The following NRXN3 variants were observed in gnomAD, a reference collection of about 807,000 sequenced individuals.
NRXN3 encodes neurexin III.
NRXN3 carries 32 observed loss-of-function variants against 137.6 expected under a neutral mutation model. That is an observed-to-expected ratio of 0.23 (90% CI 0.18 to 0.31). The LOEUF (loss-of-function observed/expected upper bound fraction) is 0.31, where lower values mean the gene tolerates loss of function less well. NRXN3 is among the 10% of genes least tolerant of loss of function. The pLI is 1.00. For synonymous variants in NRXN3, 798 were observed against 784.5 expected, an observed-to-expected ratio of 1.02 and a Z score of -0.29; for missense variants, 1,574 against 2,062.5, an observed-to-expected ratio of 0.76 and a Z score of 4.59.
chr14:78,223,130 CACTA>C (rs2064054913), intron 1 of NRXN3, among the ~76,000 whole-genome samples: 1 of 152,206 alleles, frequency 6.6e-6, no homozygotes, highest in South Asian at 2.1e-4. Context: ...GCTTTGGGAA[CACTA>C]ACTAACAATG....
intron 19 of NRXN3, among the ~76,000 whole-genome samples, chr14:79,744,349 GA>G: frequency 6.6e-6 from 1 of 152,132 alleles, no homozygotes; most frequent in East Asian, 1.9e-4. Flanking sequence ...AAATAAAGCT[GA>G]AAAGCAGTCA....
intron 2 of NRXN3, among the ~76,000 whole-genome samples, chr14:78,262,060 G>C (rs965415872): frequency 3.3e-5 from 5 of 152,196 alleles, no homozygotes; most frequent in African/African-American, 1.2e-4. Context: ...AACCAGGGTA[G>C]TCAGGGAGGT....
intron 4 of NRXN3, among the ~76,000 whole-genome samples, chr14:78,338,968 A>T (rs214004): frequency 0.36 from 55,350 of 152,024 alleles, 10,972 homozygotes; most frequent in Admixed American, 0.5. Flanking sequence ...CTGACTTTGA[A>T]TTATTGGCTT....
At chr14:79,697,106 C>A (rs1183639199) in intron 18 of NRXN3, among the ~76,000 whole-genome samples, 1 of 151,900 alleles carries the variant, frequency 6.6e-6, no homozygotes, top group Non-Finnish European at 1.5e-5. Flanking sequence ...TACAAGTATG[C>A]AATGAATCCA....
chr14:78,560,558 C>T (rs969487038), intron 4 of NRXN3, among the ~76,000 whole-genome samples: 1 of 152,190 alleles, frequency 6.6e-6, no homozygotes, highest in Admixed American at 6.5e-5. Context: ...AAGATGCTGA[C>T]CCCTCGCTAG....
chr14:78,314,895 C>CTT (rs1491051271), intron 4 of NRXN3, among the ~76,000 whole-genome samples: 2 of 65,032 alleles, frequency 3.1e-5, no homozygotes, highest in Non-Finnish European at 6.0e-5. Flanking sequence ...CTTTCTTTCT[C>CTT]TTTCTTTCTT....
At chr14:79,151,446 T>G (rs2059790035) in intron 15 of NRXN3, among the ~76,000 whole-genome samples, 2 of 152,042 alleles carry the variant, frequency 1.3e-5, no homozygotes, top group Admixed American at 1.3e-4. Flanking sequence ...AGAACGCCAC[T>G]CATCGTTCCA....
chr14:79,308,118 C>T (rs1304810339), intron 15 of NRXN3, among the ~76,000 whole-genome samples: 1 of 152,114 alleles, frequency 6.6e-6, no homozygotes, highest in African/African-American at 2.4e-5. Flanking sequence ...TTCACTTACT[C>T]ACCTCTTTAA....
At chr14:79,728,080 C>T (rs1321445970) in intron 19 of NRXN3, among the ~76,000 whole-genome samples, 7 of 152,196 alleles carry the variant, frequency 4.6e-5, no homozygotes, top group Non-Finnish European at 1.5e-5. Context: ...TGAAGCCTTA[C>T]ACAACCCGAC....
chr14:79,855,010 C>T (rs893360069), intron 20 of NRXN3, among the ~76,000 whole-genome samples: 3 of 152,180 alleles, frequency 2.0e-5, no homozygotes, highest in African/African-American at 7.2e-5. Flanking sequence ...GGCACACACA[C>T]ATTCTCTCTC....
In NRXN3 at chr14:79,487,941, A is replaced by G. The variant is rs115466968; in HGVS notation, c.3444+20539A>G. ...AGAGCTCATCATGCAACAGGACTGC[A>G]TCTGGGATACTGCCTCCCTTCCCCA... On this transcript the variant is annotated intron_variant, in intron 16 of 20. Coordinates refer to ENST00000335750, the MANE Select transcript of NRXN3 (RefSeq NM_001330195.2). 7.4e-3 allele frequency among the ~76,000 whole-genome samples: 1,134 copies of G among 152,290 alleles called. 17 individuals carry two copies. Among genetic ancestry groups the G allele is most frequent in the African/African-American group, 0.025 (1,041 of 41,558 alleles).
intron 19 of NRXN3, among the ~76,000 whole-genome samples, chr14:79,713,380 AACAC>A (rs1192176926): frequency 1.3e-5 from 2 of 148,434 alleles, no homozygotes; most frequent in Admixed American, 1.3e-4. Flanking sequence ...ACTAAACTAT[AACAC>A]ACACACATAC....
intron 19 of NRXN3, among the ~76,000 whole-genome samples, chr14:79,803,947 A>G (rs11627103): frequency 3.3e-4 from 36 of 109,256 alleles, no homozygotes; most frequent in South Asian, 2.3e-3. Context: ...ATATATATGT[A>G]TATATATATA....
intron 15 of NRXN3, among the ~76,000 whole-genome samples, chr14:79,302,595 A>C (rs956698380): frequency 1.3e-5 from 2 of 152,014 alleles, no homozygotes; most frequent in East Asian, 2.0e-4. Flanking sequence ...CTTGAATTGC[A>C]ATCCCCATGT....
At chr14:78,765,628 A>G (rs1219120519) in intron 8 of NRXN3, among the ~76,000 whole-genome samples, 1 of 152,180 alleles carries the variant, frequency 6.6e-6, no homozygotes, top group Non-Finnish European at 1.5e-5. Context: ...GTGATACTAA[A>G]CAGTGACTTA....
intron 10 of NRXN3, among the ~76,000 whole-genome samples, chr14:78,935,129 A>G (rs1467377166): frequency 1.3e-5 from 2 of 152,230 alleles, no homozygotes; most frequent in East Asian, 1.9e-4. Context: ...CTGGCATTGA[A>G]TTATGACTAG....
chr14:79,269,268 C>G (rs2078942379), intron 15 of NRXN3, among the ~76,000 whole-genome samples: 1 of 152,126 alleles, frequency 6.6e-6, no homozygotes, highest in Admixed American at 6.5e-5. Context: ...CCAGGATTGT[C>G]TCGATCTCCT....
intron 2 of NRXN3, among the ~76,000 whole-genome samples, chr14:78,263,810 C>T (rs1408318102): frequency 6.6e-6 from 1 of 150,844 alleles, no homozygotes; most frequent in African/African-American, 2.4e-5. Context: ...TTGATCCTTC[C>T]TTCAATTTTT....
intron 15 of NRXN3, among the ~76,000 whole-genome samples, chr14:79,434,846 G>T (rs2095818700): frequency 6.6e-6 from 1 of 152,200 alleles, no homozygotes; most frequent in African/African-American, 2.4e-5. Context: ...CTTCTGAGAT[G>T]ACCTAAATTG....
Sources: gnomAD v4.1 joint callset for allele counts (sites outside exome capture counted in the v4.1 genomes callset) on GRCh38, gnomAD v4.1.1 for gene constraint, MANE v1.5 for transcripts, NCBI Gene and HGNC (gene_info 2026-07-23, HGNC 2026-07-21) for gene names.